The following TULP4 variants were observed in gnomAD, a reference collection of about 807,000 sequenced individuals.
TULP4 encodes tubby-related protein 4.
A neutral mutation model predicts 129.0 loss-of-function variants in TULP4; 16 were observed. The observed-to-expected ratio is 0.12, with a 90% CI of 0.08 to 0.19. The LOEUF is 0.19. TULP4 is among the 10% of genes least tolerant of loss of function. The pLI is 1.00. For missense variants in TULP4, 1,842 were observed against 2,059.1 expected (o/e 0.89, Z 2.04); for synonymous variants, 998 against 854.0 (o/e 1.17, Z -2.94).
At chr6:158,458,284 A>G (rs1166291679) in intron 5 of TULP4, among the ~76,000 whole-genome samples, 3 of 152,252 alleles carry the variant, frequency 2.0e-5, no homozygotes, top group Non-Finnish European at 4.4e-5. Context: ...TTTACCAAAA[A>G]GGATCCATAA....
intron 6 of TULP4, among the ~76,000 whole-genome samples, chr6:158,472,388 A>G (rs1779706695): frequency 6.6e-6 from 1 of 152,164 alleles, no homozygotes; most frequent in Non-Finnish European, 1.5e-5. Flanking sequence ...AGATATCCCT[A>G]CAGTACCTCA....
intron 1 of TULP4, among the ~76,000 whole-genome samples, chr6:158,335,053 G>A (rs1296882800): frequency 6.6e-5 from 10 of 151,996 alleles, no homozygotes; most frequent in Admixed American, 1.3e-4. Context: ...TGAGGCGGGC[G>A]GATCACAAGG....
At chr6:158,300,113 G>T (rs1221319493) in intron 1 of TULP4, among the ~76,000 whole-genome samples, 2 of 152,192 alleles carry the variant, frequency 1.3e-5, no homozygotes, top group Non-Finnish European at 2.9e-5. Context: ...TATGAAGGTG[G>T]TCTCTGACGC....
intron 1 of TULP4, among the ~76,000 whole-genome samples, chr6:158,403,175 C>T (rs1354603540): frequency 6.6e-6 from 1 of 152,160 alleles, no homozygotes; most frequent in Non-Finnish European, 1.5e-5. Flanking sequence ...CTTTCTGCAG[C>T]CCACCTCATC....
chr6:158,448,134 G>A (rs1003118640), intron 3 of TULP4, among the ~76,000 whole-genome samples: 6 of 152,158 alleles, frequency 3.9e-5, no homozygotes, highest in Admixed American at 3.9e-4. Context: ...GTCATGGAGG[G>A]GCGCATTCAG....
intron 1 of TULP4, among the ~76,000 whole-genome samples, chr6:158,364,729 G>GT (rs535346540): frequency 1.5e-3 from 228 of 152,024 alleles, no homozygotes; most frequent in African/African-American, 5.1e-3. Context: ...ACCTAGATTT[G>GT]TTTTTTGTTT....
chr6:158,393,185 A>G (rs1777628493), intron 1 of TULP4, among the ~76,000 whole-genome samples: 1 of 152,252 alleles, frequency 6.6e-6, no homozygotes. Flanking sequence ...TCCATGTCTC[A>G]TATCCAGGGC....
At chr6:158,479,665 T>C (rs1241911961) in intron 6 of TULP4, 86 bp from the exon 7 acceptor site, 1 of 1,264,572 alleles carries the variant, frequency 7.9e-7, no homozygotes, top group Non-Finnish European at 1.1e-6. Context: ...CTTATTTTAT[T>C]TTGCTCGAGA....
rs1301767750 is a variant in TULP4, at chr6:158,397,809, A to T, written c.253-15256A>T. On this transcript the variant is annotated intron_variant, in intron 1 of 13. Transcript: ENST00000367097. ...AGTGAGATCTGGGGCATTGTTTGTC[A>T]TTGCAGCAAAACATAGCCTCTTCGT... 11 of 152,348 alleles carry T rather than the reference A, an allele frequency of 7.2e-5. No individual in the cohort carries two copies. The East Asian group carries it at 2.1e-3, about 29-fold the overall frequency. 9.4% of individuals were successfully genotyped at this position (152,348 alleles called of 1,614,324 possible).
intron 1 of TULP4, among the ~76,000 whole-genome samples, chr6:158,265,773 T>G (rs1334806208): frequency 6.6e-6 from 1 of 152,182 alleles, no homozygotes; most frequent in African/African-American, 2.4e-5. Context: ...AGCTGTTTCT[T>G]TGATTAAACT....
chr6:158,429,295 C>T (rs341102), intron 2 of TULP4, among the ~76,000 whole-genome samples: 36,518 of 152,222 alleles, frequency 0.24, 5,620 homozygotes, highest in Middle Eastern at 0.34. Flanking sequence ...CGTGCCAGCA[C>T]GCTTGCCTCA....
At position 158,504,154 on chromosome 6, in the gene TULP4, C is replaced by A. The variant is rs767105712; in HGVS notation, c.4491C>A (p.Phe1497Leu). Residue 1497 changes from phenylalanine to leucine, a missense_variant, in exon 13 of 14, where the codon TTC becomes TTA. Around this residue, in one of 5 missense-constraint regions of TULP4, gnomAD observed 47 missense variants for 104.0 expected, o/e 0.45. Transcript: ENST00000367097. ...GRVTQESAKN[F>L]QIELEGRQVM... ...TGACCCAGGAGTCCGCCAAGAACTT[C>A]CAGATTGAGTTAGAGGGGCGGCAGG... 2 of 1,600,956 alleles carry A rather than the reference C, an allele frequency of 1.2e-6. No individual in the cohort carries two copies. Among genetic ancestry groups the A allele is most frequent in the Non-Finnish European group, 1.7e-6 (2 of 1,173,332 alleles).
chr6:158,364,798 G>A (rs552463363), intron 1 of TULP4, among the ~76,000 whole-genome samples: 10 of 152,178 alleles, frequency 6.6e-5, no homozygotes, highest in East Asian at 3.9e-4. Flanking sequence ...GTGCAGTGGC[G>A]TGATCTTGGC....
Position 158,480,436 on chromosome 6 carries a change from C to T in TULP4, c.1251+461C>T, listed in dbSNP as rs562573581. ...AGTCAGGATTAGACCCACCCCAGTT[C>T]TAGGGCCTGCTCTCAGCACTGCTGA... On this transcript the variant is annotated intron_variant, in intron 7 of 13. Coordinates refer to ENST00000367097, the MANE Select transcript of TULP4 (RefSeq NM_020245.5). Among the ~76,000 whole-genome samples the T allele has an allele frequency of 2.6e-5, 4 of 152,370 alleles. No homozygotes were observed. The South Asian group carries it at 8.3e-4, about 32-fold the overall frequency.
chr6:158,493,736 C>G lies in TULP4; in HGVS notation c.1776+19C>G, dbSNP rs768716655. ...CACTCAGGTAGGAGCCCCCAGTTAC[C>G]CTGCCTTGCTCCCCTCCTCCTGGGG... On this transcript the variant is annotated intron_variant, in intron 10 of 13. Coordinates refer to ENST00000367097, the MANE Select transcript of TULP4 (RefSeq NM_020245.5). The surrounding 1 kb of genome is among the most constrained non-coding windows in gnomAD (Gnocchi z 4.4). The G allele has an allele frequency of 1.3e-6, 2 of 1,530,266 alleles. No individual in the cohort carries two copies. Among genetic ancestry groups the G allele is most frequent in the Non-Finnish European group, 1.8e-6 (2 of 1,138,008 alleles). 94.8% of individuals were successfully genotyped at this position (1,530,266 alleles called of 1,614,324 possible). A position where few individuals can be genotyped will look rare whatever the true frequency, so the allele number is the denominator to read the frequency against.
chr6:158,489,293 G>A (rs1468604429), intron 8 of TULP4, among the ~76,000 whole-genome samples: 1 of 152,246 alleles, frequency 6.6e-6, no homozygotes, highest in African/African-American at 2.4e-5. Context: ...CCTGTGTGTT[G>A]TGAGACAACA....
chr6:158,328,109 T>G (rs1385417613), intron 1 of TULP4, among the ~76,000 whole-genome samples: 2 of 117,262 alleles, frequency 1.7e-5, no homozygotes, highest in Non-Finnish European at 3.6e-5. Flanking sequence ...TGTGTGTGTG[T>G]GTGTGTGTGT....
intron 1 of TULP4, among the ~76,000 whole-genome samples, chr6:158,321,428 C>G (rs1779627139): frequency 6.6e-6 from 1 of 152,178 alleles, no homozygotes; most frequent in Non-Finnish European, 1.5e-5. Flanking sequence ...TGTCTGCCAT[C>G]TCCTTCTAGT....
chr6:158,503,384 C>T lies in TULP4; in HGVS notation c.3721C>T (p.Pro1241Ser), dbSNP rs1449522522. The T allele has an allele frequency of 3.1e-6, 5 of 1,613,880 alleles. No individual in the cohort carries two copies. The highest frequency in any genetic ancestry group is 1.7e-6 in the Non-Finnish European group (2 of 1,180,006). Residue 1241 changes from proline (P) to serine (S), a missense_variant, in exon 13 of 14, where the codon CCC (proline) becomes TCC (serine). Physicochemically the swap from Pro to Ser is moderately conservative, Grantham distance 74 (BLOSUM62 -1). Transcript: ENST00000367097. This position sits in a 1 kb window ranked among gnomAD's most constrained non-coding sequence, Gnocchi z 4.3. ...YPPSLSYCTL[P>S]PMYPGSSTCS... Reference sequence around the variant, plus strand: ...ACCCAGCCTCTCCTATTGCACCCTGCCCCCCATGTACCCAGGAAGCAGCAC... The same window carrying T: ...ACCCAGCCTCTCCTATTGCACCCTGTCCCCCATGTACCCAGGAAGCAGCAC...
Sources: gnomAD v4.1 joint callset for allele counts (sites outside exome capture counted in the v4.1 genomes callset) on GRCh38, gnomAD v4.1.1 for gene constraint, gnomAD v4.1.1 regional missense constraint, Gnocchi (gnomAD v3.1) non-coding constraint, MANE v1.5 for transcripts, NCBI Gene and HGNC (gene_info 2026-07-23, HGNC 2026-07-21) for gene names.